The following ERG variants were observed in gnomAD, a reference collection of about 807,000 sequenced individuals.
ERG encodes the protein transcriptional regulator ERG.
In ERG, 9 loss-of-function variants were observed where a neutral mutation model predicts 55.3. The ratio of observed to expected loss-of-function variants is 0.16; its 90% CI spans 0.10 to 0.28. The LOEUF (loss-of-function observed/expected upper bound fraction) is 0.28, where lower values mean the gene tolerates loss of function less well. ERG is among the 10% of genes least tolerant of loss of function. ERG has a pLI of 1.00. For missense variants in ERG, 434 were observed against 631.6 expected (o/e 0.69, Z 3.35); for synonymous variants, 223 against 237.3 (o/e 0.94, Z 0.55).
At chr21:38,418,157 C>G (rs1414634083) in intron 3 of ERG, among the ~76,000 whole-genome samples, 4 of 151,996 alleles carry the variant, frequency 2.6e-5, no homozygotes, top group African/African-American at 4.8e-5. Flanking sequence ...AAATTTATAT[C>G]TTCTATCTAG....
At chr21:38,505,996 C>A (rs531395078) in intron 2 of ERG, among the ~76,000 whole-genome samples, 1 of 148,116 alleles carries the variant, frequency 6.8e-6, no homozygotes, top group Non-Finnish European at 1.5e-5. Context: ...AAATTAAGAT[C>A]TAACATTTAT....
At chr21:38,378,931 A>C (rs967801676), downstream of ERG, among the ~76,000 whole-genome samples, 1 of 152,212 alleles carries the variant, frequency 6.6e-6, no homozygotes, top group Admixed American at 6.5e-5. Flanking sequence ...CATTTTTTTA[A>C]GTGTACCGTA....
rs1988664436 is a variant in ERG, at chr21:38,404,463, G to A, written c.389-754C>T. Among the ~76,000 whole-genome samples, 3 of 152,322 alleles carry A rather than the reference G, an allele frequency of 2.0e-5. No homozygotes were observed. The South Asian group carries it at 6.2e-4, about 32-fold the overall frequency. On this transcript the variant is annotated intron_variant, in intron 3 of 9. Transcript: ENST00000288319. ...CAGTGCTACCTATGGGACAGGGAGA[G>A]CAGGGCCCGGGGGAGAAGGAGCAGG...
chr21:38,453,313 A>T (rs2058958296), intron 1 of ERG, among the ~76,000 whole-genome samples: 1 of 152,230 alleles, frequency 6.6e-6, no homozygotes, highest in Non-Finnish European at 1.5e-5. Flanking sequence ...AAACTCTAGA[A>T]ATATTGTGAA....
intron 2 of ERG, among the ~76,000 whole-genome samples, chr21:38,536,762 C>T (rs117633854): frequency 1.3e-3 from 197 of 152,308 alleles, no homozygotes; most frequent in Middle Eastern, 0.01. Context: ...CTTTAAAATG[C>T]TAAATTGATT....
At chr21:38,454,046 C>A (rs376365904) in intron 1 of ERG, among the ~76,000 whole-genome samples, 1 of 152,096 alleles carries the variant, frequency 6.6e-6, no homozygotes, top group African/African-American at 2.4e-5. Flanking sequence ...TCCTTTACAT[C>A]CTTCTAAGAG....
chr21:38,634,191 C>T (rs535622248), intron 1 of ERG, among the ~76,000 whole-genome samples: 1 of 152,158 alleles, frequency 6.6e-6, no homozygotes, highest in African/African-American at 2.4e-5. Flanking sequence ...AATATTCATT[C>T]ATTTATTCAG....
chr21:38,376,366 C>A (rs567947791), downstream of ERG, among the ~76,000 whole-genome samples: 1 of 152,200 alleles, frequency 6.6e-6, no homozygotes, highest in Non-Finnish European at 1.5e-5. Context: ...TTGTTACTCT[C>A]GCTCTCTCCC....
intron 1 of ERG, among the ~76,000 whole-genome samples, chr21:38,635,115 G>C (rs1378127456): frequency 6.6e-6 from 1 of 152,192 alleles, no homozygotes; most frequent in African/African-American, 2.4e-5. Context: ...AAAAAGATCA[G>C]TGGTTTCTAT....
intron 1 of ERG, among the ~76,000 whole-genome samples, chr21:38,488,747 A>G (rs2059309690): frequency 6.6e-6 from 1 of 152,222 alleles, no homozygotes; most frequent in Non-Finnish European, 1.5e-5. Flanking sequence ...TTATTTTTCT[A>G]CCAAATATAA....
chr21:38,397,128 G>C (rs1359056727), intron 6 of ERG, among the ~76,000 whole-genome samples: 1 of 152,176 alleles, frequency 6.6e-6, no homozygotes, highest in Non-Finnish European at 1.5e-5. Context: ...ATGGCAGGTA[G>C]TGGTGGTGGC....
At chr21:38,429,599 ATGTATACACATGTACATATATACATATG>A in intron 2 of ERG, among the ~76,000 whole-genome samples, 1 of 24,670 alleles carries the variant, frequency 4.1e-5, no homozygotes, top group African/African-American at 8.7e-5. Context: ...GTATATGTAC[ATGTATACACATGTACATATATACATATG>A]TGTATATATA....
intron 1 of ERG, among the ~76,000 whole-genome samples, chr21:38,487,224 G>C (rs771849212): frequency 6.7e-5 from 10 of 149,770 alleles, no homozygotes; most frequent in Non-Finnish European, 1.2e-4. Flanking sequence ...CTTTAAAAAG[G>C]ATACATTGGT....
At chr21:38,404,486 A>T (rs1160335370) in intron 3 of ERG, among the ~76,000 whole-genome samples, 1 of 152,192 alleles carries the variant, frequency 6.6e-6, no homozygotes, top group Non-Finnish European at 1.5e-5. Context: ...GAGAAGGAGC[A>T]GGTGATCTCC....
At chr21:38,567,322 C>A (rs1243938981) in intron 2 of ERG, among the ~76,000 whole-genome samples, 1 of 151,954 alleles carries the variant, frequency 6.6e-6, no homozygotes. Context: ...ATTATTGTGC[C>A]ATATTAAATA....
intron 2 of ERG, among the ~76,000 whole-genome samples, chr21:38,507,530 A>ATGAG (rs1356027629): frequency 1.9e-5 from 2 of 103,020 alleles, no homozygotes; most frequent in South Asian, 8.7e-4. Context: ...CACTTACTGA[A>ATGAG]TGAGTGAATG....
chr21:38,606,273 T>C lies in ERG; in HGVS notation c.-149-21328A>G, dbSNP rs113768786. On this transcript the variant is annotated intron_variant, in intron 1 of 10. Coordinates refer to the ERG transcript ENST00000398910. Reference sequence around the variant, plus strand: ...GATAGGTAGGTAGATAGGTGACTGATAGATGATTAGATGTATAGATAGATG... The same window carrying C: ...GATAGGTAGGTAGATAGGTGACTGACAGATGATTAGATGTATAGATAGATG... Among the ~76,000 whole-genome samples the C allele has an allele frequency of 2.2e-3, 336 of 152,270 alleles. 1 individual carries two copies. The highest frequency in any genetic ancestry group is 7.5e-3 in the African/African-American group (313 of 41,538).
At chr21:38,481,356 A>T (rs746969817) in intron 1 of ERG, among the ~76,000 whole-genome samples, 5 of 152,206 alleles carry the variant, frequency 3.3e-5, no homozygotes, top group Non-Finnish European at 7.3e-5. Flanking sequence ...GACGCTGTGG[A>T]AACAATGGTG....
chr21:38,638,655 G>A (rs2060405248), intron 1 of ERG, among the ~76,000 whole-genome samples: 2 of 152,212 alleles, frequency 1.3e-5, no homozygotes, highest in African/African-American at 4.8e-5. Context: ...GAGGATGGGG[G>A]GAGTCAGTAA....
Sources: allele counts gnomAD v4.1 joint callset (sites outside exome capture counted in the v4.1 genomes callset), GRCh38; gene constraint gnomAD v4.1.1; transcripts MANE v1.5; gene names NCBI Gene and HGNC (gene_info 2026-07-23, HGNC 2026-07-21).